The following MARCHF1 variants were observed in gnomAD, a reference collection of about 807,000 sequenced individuals.
MARCHF1 encodes E3 ubiquitin-protein ligase MARCHF1.
Under a neutral mutation model 54.2 loss-of-function variants are expected in MARCHF1, and 40 were observed. The observed-to-expected ratio is 0.74, with a 90% CI of 0.57 to 0.96. The LOEUF is 0.96. MARCHF1 is among the 40% of genes least tolerant of loss of function. The pLI is 0.00. For synonymous variants in MARCHF1, 236 were observed against 236.3 expected, an observed-to-expected ratio of 1.00 and a Z score of 0.01; for missense variants, 586 against 656.5, an observed-to-expected ratio of 0.89 and a Z score of 1.17.
At chr4:163,995,783 G>T (rs922791824) in intron 2 of MARCHF1, among the ~76,000 whole-genome samples, 1 of 151,996 alleles carries the variant, frequency 6.6e-6, no homozygotes, top group Non-Finnish European at 1.5e-5. Flanking sequence ...TGAGTGTTTT[G>T]ACATCATTGA....
chr4:164,363,301 C>CAAA (rs1349452829), intron 1 of MARCHF1, among the ~76,000 whole-genome samples: 2 of 152,130 alleles, frequency 1.3e-5, no homozygotes, highest in African/African-American at 4.8e-5. Context: ...CAATATTTAA[C>CAAA]AGTTTAAACA....
intron 2 of MARCHF1, among the ~76,000 whole-genome samples, chr4:164,091,929 G>A (rs1479643926): frequency 6.6e-6 from 1 of 150,632 alleles, no homozygotes; most frequent in Non-Finnish European, 1.5e-5. Context: ...TTTATATGGA[G>A]GATCCCAATA....
chr4:164,051,734 T>G (rs1443910019), intron 2 of MARCHF1, among the ~76,000 whole-genome samples: 1 of 152,160 alleles, frequency 6.6e-6, no homozygotes, highest in Non-Finnish European at 1.5e-5. Context: ...GTCCAGATAC[T>G]TAATCACCAT....
chr4:163,571,631 T>G lies in MARCHF1; in HGVS notation c.1191+14118A>C, dbSNP rs894505676. Among the ~76,000 whole-genome samples the G allele has an allele frequency of 5.3e-5, 8 of 152,214 alleles. No individual in the cohort carries two copies. The East Asian group carries it at 5.8e-4, about 11-fold the overall frequency. ...TTTGTTTATTGATAAAAATACTCCT[T>G]CAAAATATCAGTTTTTGTATTGAAC... On this transcript the variant is annotated intron_variant, in intron 8 of 9. Coordinates refer to ENST00000514618, the MANE Select transcript of MARCHF1 (RefSeq NM_001394959.1).
intron 1 of MARCHF1, among the ~76,000 whole-genome samples, chr4:164,335,428 A>G (rs1176500160): frequency 6.6e-6 from 1 of 152,108 alleles, no homozygotes; most frequent in Non-Finnish European, 1.5e-5. Context: ...CAAAAATACG[A>G]AAAATTAACT....
rs113641771 is a variant in MARCHF1, at chr4:164,335,087, G to T, written c.-323+48783C>A. On this transcript the variant is annotated intron_variant, in intron 1 of 9. Transcript: ENST00000514618. ...AGTAAAATCTATTCCTGGTGAAGAT[G>T]CTGTGAACATTGTTGAAATGACAGC... Among the ~76,000 whole-genome samples the T allele has an allele frequency of 8.3e-3, 1,267 of 152,308 alleles. 20 individuals are homozygous for T. The highest frequency in any genetic ancestry group is 0.029 in the African/African-American group (1,192 of 41,552).
chr4:163,630,136 G>T (rs1742021280), intron 5 of MARCHF1, among the ~76,000 whole-genome samples: 1 of 152,260 alleles, frequency 6.6e-6, no homozygotes, highest in Non-Finnish European at 1.5e-5. Context: ...ATTCATACAT[G>T]AATGTTTATA....
At chr4:163,946,065 T>C (rs1039793227) in intron 3 of MARCHF1, among the ~76,000 whole-genome samples, 1 of 152,110 alleles carries the variant, frequency 6.6e-6, no homozygotes, top group Non-Finnish European at 1.5e-5. Flanking sequence ...TAGTAAAACA[T>C]TAATTTTAAA....
chr4:163,558,509 C>G (rs1877315), intron 8 of MARCHF1, among the ~76,000 whole-genome samples: 137,640 of 151,930 alleles, frequency 0.91, 62,333 homozygotes, highest in Middle Eastern at 0.98. Flanking sequence ...GCTGAAGTGA[C>G]TGGATTTAGG....
At chr4:163,655,924 T>C (rs970377224) in intron 5 of MARCHF1, among the ~76,000 whole-genome samples, 3 of 151,942 alleles carry the variant, frequency 2.0e-5, no homozygotes, top group African/African-American at 7.2e-5. Context: ...AAGGGAAATT[T>C]ATAGCACTAA....
chr4:163,692,962 A>G (rs1459416518), intron 5 of MARCHF1, among the ~76,000 whole-genome samples: 1 of 151,540 alleles, frequency 6.6e-6, no homozygotes, highest in Non-Finnish European at 1.5e-5. Flanking sequence ...TTTGTCATAA[A>G]TGTGGATCAA....
chr4:163,602,304 A>T (rs892209824), intron 7 of MARCHF1, among the ~76,000 whole-genome samples: 1 of 152,138 alleles, frequency 6.6e-6, no homozygotes, highest in Non-Finnish European at 1.5e-5. Context: ...TGACAACTGC[A>T]GCGATTAAAA....
intron 1 of MARCHF1, among the ~76,000 whole-genome samples, chr4:164,343,454 C>G (rs1325377844): frequency 6.6e-6 from 1 of 152,006 alleles, no homozygotes; most frequent in Non-Finnish European, 1.5e-5. Context: ...AAAATATTTG[C>G]AAACTATGCA....
At position 164,021,872 on chromosome 4, in the gene MARCHF1, T is replaced by C. The variant is rs148169553; in HGVS notation, c.-247-33163A>G. Among the ~76,000 whole-genome samples, 1,483 of 151,110 alleles carry C rather than the reference T, an allele frequency of 9.8e-3. 18 individuals carry two copies. Among genetic ancestry groups the C allele is most frequent in the African/African-American group, 0.033 (1,361 of 41,294 alleles). ...TCCATGTCAAAAAAAAAAAATTATA[T>C]ATATATATATATGGTCCATTTTTAG... On this transcript the variant is annotated intron_variant, in intron 2 of 9. Transcript: ENST00000514618.
chr4:164,348,614 C>T (rs1579741540), intron 1 of MARCHF1, among the ~76,000 whole-genome samples: 2 of 151,982 alleles, frequency 1.3e-5, no homozygotes, highest in East Asian at 3.9e-4. Context: ...GCTCCAAAGT[C>T]CATGAGAAGT....
intron 4 of MARCHF1, among the ~76,000 whole-genome samples, chr4:163,730,947 T>C (rs776518443): frequency 4.6e-5 from 7 of 152,196 alleles, no homozygotes; most frequent in Non-Finnish European, 8.8e-5. Flanking sequence ...ATTCTCCTTT[T>C]TCAGGTTTCT....
At chr4:163,677,255 A>G (rs914993857) in intron 5 of MARCHF1, among the ~76,000 whole-genome samples, 10 of 152,222 alleles carry the variant, frequency 6.6e-5, no homozygotes, top group Admixed American at 5.2e-4. Flanking sequence ...TCATTTCCCT[A>G]CGGAAATTCT....
At chr4:164,213,744 AT>A (rs1321049049) in intron 1 of MARCHF1, among the ~76,000 whole-genome samples, 19 of 152,044 alleles carry the variant, frequency 1.2e-4, no homozygotes, top group Admixed American at 5.9e-4. Context: ...TTCAAATGTT[AT>A]TTTTTGTCTA....
chr4:163,632,539 G>A (rs1423159685), intron 5 of MARCHF1, among the ~76,000 whole-genome samples: 5 of 152,132 alleles, frequency 3.3e-5, no homozygotes, highest in Non-Finnish European at 4.4e-5. Context: ...CTTTTCCGAC[G>A]GGCTTAAAAA....
Sources: gnomAD v4.1 joint callset for allele counts (sites outside exome capture counted in the v4.1 genomes callset) on GRCh38, gnomAD v4.1.1 for gene constraint, MANE v1.5 for transcripts, NCBI Gene and HGNC (gene_info 2026-07-23, HGNC 2026-07-21) for gene names.